The following PDCD11 variants were observed in gnomAD, a reference collection of about 807,000 sequenced individuals.
PDCD11 encodes protein RRP5 homolog.
In PDCD11, 97 loss-of-function variants were observed where a neutral mutation model predicts 198.9. The ratio of observed to expected loss-of-function variants is 0.49; its 90% CI spans 0.41 to 0.58. The LOEUF (loss-of-function observed/expected upper bound fraction) is 0.58, where lower values mean the gene tolerates loss of function less well. Ranked by LOEUF, PDCD11 falls within the 20% of genes least tolerant of loss-of-function variation. PDCD11 has a pLI of 0.00. For missense variants in PDCD11, 2,102 were observed against 2,312.7 expected (o/e 0.91, Z 1.87); for synonymous variants, 893 against 918.0 (o/e 0.97, Z 0.49).
At chr10:103,426,481 C>T (rs2031698090) in intron 20 of PDCD11, among the ~76,000 whole-genome samples, 1 of 152,122 alleles carries the variant, frequency 6.6e-6, no homozygotes, top group African/African-American at 2.4e-5. Context: ...AAATTGTTTT[C>T]AGGATCTGAT....
chr10:103,418,309 G>A, intron 14 of PDCD11, 131 bp from the exon 15 acceptor site: 1 of 719,340 alleles, frequency 1.4e-6, no homozygotes, highest in East Asian at 2.6e-5. Flanking sequence ...TGGTGGGTGG[G>A]GTTTGGAAGA....
chr10:103,421,487 A>G lies in PDCD11; in HGVS notation c.2417A>G (p.Asp806Gly). 6.3e-7 allele frequency: 1 copy of G among 1,597,082 alleles called. No homozygotes were observed. Among genetic ancestry groups the G allele is most frequent in the Admixed American group, 1.8e-5 (1 of 56,938 alleles). The change falls in exon 17 of 36, where the codon GAC becomes GGC. Residue 806 changes from aspartate (D) to glycine (G), a missense_variant. Physicochemically the swap from Asp to Gly is moderately conservative, Grantham distance 94. Coordinates refer to ENST00000369797, the MANE Select transcript of PDCD11 (RefSeq NM_014976.2). ...CGGCTGTCGGACTGTGGTCTGGGGG[A>G]CTTGGCTATCACCAGCCTCCTCCTC... is the stretch of plus-strand genomic sequence containing the variant. ...SLRLSDCGLGDLAITSLLLLN... is the reference protein window; with the variant it reads ...SLRLSDCGLGGLAITSLLLLN...
chr10:103,422,991 CTG>C lies in PDCD11; in HGVS notation c.2505_2506del (p.Leu836AspfsTer14), dbSNP rs762549949. The C allele has an allele frequency of 2.6e-6, 4 of 1,536,816 alleles. No individual in the cohort carries two copies. Among genetic ancestry groups the C allele is most frequent in the Non-Finnish European group, 3.5e-6 (4 of 1,143,230 alleles). On this transcript the variant is annotated frameshift_variant, in exon 18 of 36. Coordinates refer to ENST00000369797, the MANE Select transcript of PDCD11 (RefSeq NM_014976.2). LOFTEE classifies it high-confidence loss of function. ...GTTTCCTTTGGATCTCTGGCAGACT[CTG>C]TGTTGATCCAGACGCTGGCCGAGAT...
At chr10:103,419,953 C>CT (rs35847749) in intron 16 of PDCD11, among the ~76,000 whole-genome samples, 62,784 of 97,364 alleles carry the variant, frequency 0.64, 21,888 homozygotes, top group African/African-American at 0.83. Context: ...ACATGCCAGG[C>CT]TTTTTTTTTT....
At chr10:103,427,965 A>G (rs541570974) in intron 21 of PDCD11, among the ~76,000 whole-genome samples, 1 of 152,326 alleles carries the variant, frequency 6.6e-6, no homozygotes, top group East Asian at 1.9e-4. Context: ...GGATCCAGCC[A>G]GGTTGTAAAT....
At chr10:103,410,216 C>T (rs1039792782) in intron 8 of PDCD11, among the ~76,000 whole-genome samples, 1 of 144,444 alleles carries the variant, frequency 6.9e-6, no homozygotes, top group Non-Finnish European at 1.5e-5. Flanking sequence ...GCCTAGACAA[C>T]AGAGCGAGAC....
At chr10:103,397,640 A>T (rs1184970045) in intron 1 of PDCD11, among the ~76,000 whole-genome samples, 3 of 152,154 alleles carry the variant, frequency 2.0e-5, no homozygotes, top group Non-Finnish European at 2.9e-5. Context: ...CGCCATGTTG[A>T]CTATGCTGGT....
intron 1 of PDCD11, among the ~76,000 whole-genome samples, chr10:103,397,660 C>T (rs1291517106): frequency 1.3e-5 from 2 of 152,252 alleles, no homozygotes; most frequent in Non-Finnish European, 2.9e-5. Flanking sequence ...TCTCGAACTC[C>T]TGACCTCAGA....
chr10:103,400,757 T>C (rs2029984602), intron 3 of PDCD11, among the ~76,000 whole-genome samples: 1 of 152,162 alleles, frequency 6.6e-6, no homozygotes, highest in Admixed American at 6.6e-5. Flanking sequence ...TTTGTATTTA[T>C]TTATTATTTT....
intron 4 of PDCD11, among the ~76,000 whole-genome samples, chr10:103,404,038 G>T (rs1237216310): frequency 1.3e-5 from 2 of 152,186 alleles, no homozygotes; most frequent in Non-Finnish European, 2.9e-5. Flanking sequence ...GCCCAGGCTG[G>T]AGTGCAGTGG....
Position 103,421,576 on chromosome 10 carries a change from C to G in PDCD11, c.2497+9C>G. On this transcript the variant is annotated intron_variant, in intron 17 of 35. Coordinates refer to ENST00000369797, the MANE Select transcript of PDCD11 (RefSeq NM_014976.2). Reference sequence around the variant, plus strand: ...CCTTATGAGCAACCGAGGTGGGGCACCTGTGGGGCAGGGGAGGTGGGCCAG... The same window carrying G: ...CCTTATGAGCAACCGAGGTGGGGCAGCTGTGGGGCAGGGGAGGTGGGCCAG... 6.4e-7 allele frequency: 1 copy of G among 1,550,726 alleles called. No homozygotes were observed. Among genetic ancestry groups the G allele is most frequent in the South Asian group, 1.2e-5 (1 of 84,254 alleles).
intron 5 of PDCD11, 55 bp from the exon 6 acceptor site, chr10:103,405,930 T>G: frequency 3.1e-6 from 5 of 1,588,266 alleles, no homozygotes; most frequent in Non-Finnish European, 4.3e-6. Flanking sequence ...GGATGTTTTG[T>G]GTGTGTCCCA....
At chr10:103,416,880 A>G in intron 13 of PDCD11, 138 bp downstream of exon 13, 1 of 953,946 alleles carries the variant, frequency 1.0e-6, no homozygotes, top group Non-Finnish European at 1.6e-6. Context: ...AGCCGGCTAA[A>G]TGGAGGAGAC....
Position 103,425,092 on chromosome 10 carries a change from C to T in PDCD11, c.2872C>T (p.His958Tyr). The part of the protein sequence containing the change: ...GHLAAFSLTS[H>Y]LNDTFRFDSE... ...CCTGGCAGCTTTCTCCCTGACCTCT[C>T]ACCTCAACGACACCTTCCGCTTTGA... is the stretch of plus-strand genomic sequence containing the variant. Residue 958 changes from histidine to tyrosine, a missense_variant, in exon 20 of 36, where the codon CAC (histidine) becomes TAC (tyrosine). Transcript: ENST00000369797. 1 of 1,614,234 alleles carries T rather than the reference C, an allele frequency of 6.2e-7. No individual in the cohort carries two copies. The highest frequency in any genetic ancestry group is 8.5e-7 in the Non-Finnish European group (1 of 1,180,044).
rs772234093 is a variant in PDCD11 at position 103,434,940 on chromosome 10, G to A, written c.3810G>A (p.Thr1270=). ...ACATGAGTGACTCCTACTCCGAGAC[G>A]CCCCTGGAAGACTTCGTCCCCCAGA... ...IFHMSDSYSE[T]PLEDFVPQKV... Residue 1270 remains threonine, a synonymous_variant, in exon 25 of 36, where the codon ACG becomes ACA. Coordinates refer to ENST00000369797, the MANE Select transcript of PDCD11 (RefSeq NM_014976.2). The A allele has an allele frequency of 1.9e-6, 3 of 1,587,118 alleles. No individual in the cohort carries two copies. The highest frequency in any genetic ancestry group is 2.3e-5 in the South Asian group (2 of 86,838).
chr10:103,440,717 C>G lies in PDCD11; in HGVS notation c.4441-17C>G. The stretch of plus-strand genomic sequence containing the variant: ...GCAGGAGGATGCTCCTAGGCATTCT[C>G]CCACCTGGCCTCTCAGGAAAGAGTG... On this transcript the variant is annotated splice_polypyrimidine_tract_variant and intron_variant, in intron 29 of 35. Transcript: ENST00000369797. 2 of 1,613,910 alleles carry G rather than the reference C, an allele frequency of 1.2e-6. No individual in the cohort carries two copies.
intron 21 of PDCD11, 88 bp from the exon 22 acceptor site, chr10:103,432,041 A>G: frequency 1.0e-6 from 1 of 964,014 alleles, no homozygotes; most frequent in Non-Finnish European, 1.7e-6. Context: ...CCGTACAGTC[A>G]ATCCGTGGCC....
chr10:103,432,448 G>A (rs1450177398), intron 22 of PDCD11, among the ~76,000 whole-genome samples: 3 of 152,226 alleles, frequency 2.0e-5, no homozygotes, highest in Non-Finnish European at 4.4e-5. Flanking sequence ...CAAGCAGCTC[G>A]TAATTCATTG....
intron 20 of PDCD11, among the ~76,000 whole-genome samples, chr10:103,426,807 T>A (rs1249391078): frequency 2.7e-5 from 4 of 146,930 alleles, no homozygotes; most frequent in Admixed American, 2.7e-4. Context: ...AAAAATCAGG[T>A]GAGGCTGGGT....
Sources: allele counts gnomAD v4.1 joint callset (sites outside exome capture counted in the v4.1 genomes callset), GRCh38; gene constraint gnomAD v4.1.1; transcripts MANE v1.5; gene names NCBI Gene and HGNC (gene_info 2026-07-23, HGNC 2026-07-21).